The following SBF2 variants were observed in gnomAD, a reference collection of about 807,000 sequenced individuals.
SBF2 encodes SET binding factor 2.
In SBF2, 112 loss-of-function variants were observed where a neutral mutation model predicts 225.2. The observed-to-expected ratio is 0.50, with a 90% confidence interval of 0.43 to 0.58. The LOEUF is 0.58. Among genes scored for constraint, SBF2 ranks in the 20% least tolerant of loss-of-function variants. The pLI is 0.00. For missense variants in SBF2, 1,996 were observed against 2,206.2 expected (o/e 0.90, Z 1.91); for synonymous variants, 763 against 773.3 (o/e 0.99, Z 0.22).
intron 2 of SBF2, among the ~76,000 whole-genome samples, chr11:10,126,112 T>G (rs1313709414): frequency 6.6e-6 from 1 of 152,206 alleles, no homozygotes; most frequent in Non-Finnish European, 1.5e-5. Flanking sequence ...CTCTCAAGTT[T>G]CATTCTGATA....
Position 10,246,808 on chromosome 11 carries a change from G to A in SBF2, c.55+47207C>T, listed in dbSNP as rs117954560. 8.6e-4 allele frequency among the ~76,000 whole-genome samples: 131 copies of A among 152,252 alleles called. 2 individuals are homozygous for A. The East Asian group carries it at 0.021, about 25-fold the overall frequency. ...AAATAACACTGGCCTTGCATGGTGG[G>A]TCATGCCTGTAATCTCACCACTTTG... On this transcript the variant is annotated intron_variant, in intron 1 of 39. Transcript: ENST00000256190.
chr11:10,258,013 G>C (rs1349583322), intron 1 of SBF2, among the ~76,000 whole-genome samples: 1 of 150,718 alleles, frequency 6.6e-6, no homozygotes, highest in East Asian at 1.9e-4. Context: ...CTATATTGTA[G>C]GACATATCAG....
intron 1 of SBF2, among the ~76,000 whole-genome samples, chr11:10,258,112 T>TACAC (rs1369330250): frequency 2.4e-5 from 2 of 82,452 alleles, no homozygotes; most frequent in South Asian, 4.0e-4. Context: ...ACACACACTT[T>TACAC]TTTTTTTTTT....
chr11:9,877,052 A>G (rs1001252474), intron 17 of SBF2, among the ~76,000 whole-genome samples: 3 of 152,146 alleles, frequency 2.0e-5, no homozygotes, highest in Admixed American at 6.6e-5. Flanking sequence ...AACTTTGTTT[A>G]TACTTCTTTA....
At chr11:10,153,163 G>A (rs1432600343) in intron 2 of SBF2, among the ~76,000 whole-genome samples, 1 of 152,148 alleles carries the variant, frequency 6.6e-6, no homozygotes, top group East Asian at 1.9e-4. Flanking sequence ...TAGTAACTCT[G>A]GTGATAGTGA....
At chr11:10,066,138 GT>G (rs1472759926) in intron 2 of SBF2, among the ~76,000 whole-genome samples, 1 of 151,698 alleles carries the variant, frequency 6.6e-6, no homozygotes, top group Non-Finnish European at 1.5e-5. Context: ...AACATTAAAG[GT>G]TTTTTCCTTA....
chr11:10,100,773 G>A (rs995916110), intron 2 of SBF2, among the ~76,000 whole-genome samples: 21 of 151,992 alleles, frequency 1.4e-4, no homozygotes, highest in African/African-American at 4.6e-4. Flanking sequence ...CATGGTGTCT[G>A]TCTTGGTTTG....
intron 16 of SBF2, chr11:9,956,695 A>T (rs1866195803): frequency 6.6e-6 from 1 of 152,048 alleles, no homozygotes; most frequent in African/African-American, 2.4e-5. Flanking sequence ...ATTAGAAGTC[A>T]TCATGGCAAG....
At chr11:9,789,390 C>T (rs1852592121) in intron 34 of SBF2, 48 bp from the exon 35 acceptor site, 1 of 1,434,252 alleles carries the variant, frequency 7.0e-7, no homozygotes, top group South Asian at 1.1e-5. Flanking sequence ...CCAAAGTACC[C>T]CAAGCTCACT....
intron 17 of SBF2, among the ~76,000 whole-genome samples, chr11:9,894,977 C>CT (rs1359699740): frequency 6.6e-6 from 1 of 152,132 alleles, no homozygotes; most frequent in Non-Finnish European, 1.5e-5. Context: ...AGCTAAAACT[C>CT]TGTCTCAATA....
intron 24 of SBF2, among the ~76,000 whole-genome samples, chr11:9,843,452 T>C (rs991214902): frequency 2.6e-5 from 4 of 152,232 alleles, no homozygotes; most frequent in African/African-American, 9.6e-5. Context: ...AGAAGTACTT[T>C]ATTTATTCAA....
At chr11:10,133,050 G>A (rs1176640081) in intron 2 of SBF2, among the ~76,000 whole-genome samples, 1 of 146,924 alleles carries the variant, frequency 6.8e-6, no homozygotes, top group Non-Finnish European at 1.5e-5. Flanking sequence ...GCCGATTGGT[G>A]TATTTACAAT....
intron 17 of SBF2, among the ~76,000 whole-genome samples, chr11:9,883,671 G>A (rs1479900822): frequency 6.6e-6 from 1 of 152,154 alleles, no homozygotes; most frequent in Non-Finnish European, 1.5e-5. Flanking sequence ...CTCAAAGGCA[G>A]AGGCTAGGTC....
chr11:10,092,467 T>C (rs1951822403), intron 2 of SBF2, among the ~76,000 whole-genome samples: 1 of 152,214 alleles, frequency 6.6e-6, no homozygotes, highest in African/African-American at 2.4e-5. Flanking sequence ...GTGAAAAACT[T>C]TGACTTGCCT....
chr11:9,787,781 AT>A, intron 35 of SBF2, 43 bp from the exon 36 acceptor site: 1 of 1,544,986 alleles, frequency 6.5e-7, no homozygotes. Context: ...TTTCATAGAA[AT>A]CAGGATGGGC....
At chr11:9,945,088 G>A (rs1865487478) in intron 16 of SBF2, among the ~76,000 whole-genome samples, 1 of 152,076 alleles carries the variant, frequency 6.6e-6, no homozygotes, top group Non-Finnish European at 1.5e-5. Flanking sequence ...CTGAGTGACA[G>A]AGCCAAGATT....
intron 2 of SBF2, among the ~76,000 whole-genome samples, chr11:10,069,003 T>C (rs1246129352): frequency 1.3e-5 from 2 of 152,228 alleles, no homozygotes; most frequent in South Asian, 4.1e-4. Flanking sequence ...CATTATTAAT[T>C]GCTTTATGTG....
intron 13 of SBF2, among the ~76,000 whole-genome samples, chr11:9,983,475 T>C (rs1947048930): frequency 6.6e-6 from 1 of 152,134 alleles, no homozygotes; most frequent in Non-Finnish European, 1.5e-5. Context: ...CTTCCCAACC[T>C]GATGGTCCTT....
chr11:10,099,217 A>T (rs140056013), intron 2 of SBF2, among the ~76,000 whole-genome samples: 1 of 152,210 alleles, frequency 6.6e-6, no homozygotes, highest in Non-Finnish European at 1.5e-5. Context: ...AAGGAGCATT[A>T]GAAAACTGAC....
Sources: gnomAD v4.1 joint callset for allele counts (sites outside exome capture counted in the v4.1 genomes callset) on GRCh38, gnomAD v4.1.1 for gene constraint, MANE v1.5 for transcripts, NCBI Gene and HGNC (gene_info 2026-07-23, HGNC 2026-07-21) for gene names.